Variants in PKP4 observed in about 807,000 individuals in gnomAD.
The protein encoded by PKP4 is plakophilin 4, also known as plakophilin-4.
In PKP4, 90 loss-of-function variants were observed where a neutral mutation model predicts 145.1. The observed-to-expected ratio is 0.62, with a 90% CI of 0.52 to 0.74. The LOEUF (loss-of-function observed/expected upper bound fraction) is 0.74, where lower values mean the gene tolerates loss of function less well. Ranked by LOEUF, PKP4 falls within the 30% of genes least tolerant of loss-of-function variation. The pLI is 0.00. For synonymous variants in PKP4, 563 were observed against 577.2 expected (o/e 0.98, Z 0.35); for missense variants, 1,340 against 1,482.7 (o/e 0.90, Z 1.58).
intron 20 of PKP4, 76 bp downstream of exon 20, chr2:158,676,943 A>G (rs761938909): frequency 1.3e-6 from 2 of 1,560,710 alleles, no homozygotes; most frequent in Non-Finnish European, 1.8e-6. Context: ...TGGCCTGGGA[A>G]GTAGCCTGTG....
rs966486698 is a variant in PKP4 at position 158,597,506 on chromosome 2, T to G, written c.246-5564T>G. Reference sequence around the variant, plus strand: ...AATGTGAAAAGTGCAAAAATAGAGATAAATTATTGGGTACATTCACGATAA... The same window carrying G: ...AATGTGAAAAGTGCAAAAATAGAGAGAAATTATTGGGTACATTCACGATAA... On this transcript the variant is annotated intron_variant, in intron 3 of 21. Transcript: ENST00000389759. 2.0e-5 allele frequency among the ~76,000 whole-genome samples: 3 copies of G among 152,144 alleles called. No homozygotes were observed. The South Asian group carries it at 6.2e-4, about 31-fold the overall frequency.
chr2:158,469,999 T>C (rs1691296733), intron 1 of PKP4, among the ~76,000 whole-genome samples: 1 of 152,178 alleles, frequency 6.6e-6, no homozygotes, highest in South Asian at 2.1e-4. Context: ...CAACTCCAGA[T>C]TTCAACCTTC....
At chr2:158,510,880 C>A (rs986338469) in intron 1 of PKP4, among the ~76,000 whole-genome samples, 1 of 152,236 alleles carries the variant, frequency 6.6e-6, no homozygotes, top group African/African-American at 2.4e-5. Context: ...CAAATTTACA[C>A]CTAGATTTTG....
chr2:158,496,759 C>CGTGTGTGTGTGTGTGTGTGTGTGTGT (rs58108158), intron 1 of PKP4, among the ~76,000 whole-genome samples: 1 of 144,856 alleles, frequency 6.9e-6, no homozygotes, highest in African/African-American at 2.5e-5. Flanking sequence ...CTTCTCTCTC[C>CGTGTGTGTGTGTGTGTGTGTGTGTGT]GTGTGTGTGT....
chr2:158,577,478 C>A (rs2047954887), intron 3 of PKP4, 95 bp downstream of exon 3: 4 of 749,480 alleles, frequency 5.3e-6, no homozygotes, highest in Non-Finnish European at 8.6e-6. Flanking sequence ...AGTGTTGTTA[C>A]TGTTAACTTG....
intron 17 of PKP4, among the ~76,000 whole-genome samples, chr2:158,671,690 G>A (rs921631846): frequency 3.3e-5 from 5 of 152,234 alleles, no homozygotes; most frequent in African/African-American, 1.2e-4. Context: ...CAGACAGGTC[G>A]CATGACAGCC....
intron 1 of PKP4, among the ~76,000 whole-genome samples, chr2:158,502,189 A>G (rs1295363547): frequency 6.6e-6 from 1 of 152,108 alleles, no homozygotes; most frequent in Non-Finnish European, 1.5e-5. Context: ...ATGAAATCCC[A>G]AGATGTTAGT....
chr2:158,534,644 T>A (rs2043875552), intron 2 of PKP4, among the ~76,000 whole-genome samples: 1 of 152,206 alleles, frequency 6.6e-6, no homozygotes, highest in Admixed American at 6.5e-5. Context: ...GTGGTAAATT[T>A]ATCAAAATGT....
At chr2:158,572,613 A>AT (rs2047505172) in intron 2 of PKP4, among the ~76,000 whole-genome samples, 1 of 152,204 alleles carries the variant, frequency 6.6e-6, no homozygotes, top group African/African-American at 2.4e-5. Context: ...AAACTACAAC[A>AT]TTGGCTAAAA....
At chr2:158,478,246 ATTAC>A (rs1692800901) in intron 1 of PKP4, among the ~76,000 whole-genome samples, 1 of 152,012 alleles carries the variant, frequency 6.6e-6, no homozygotes, top group East Asian at 1.9e-4. Context: ...ATTCAGAAAA[ATTAC>A]TTCTGAACCT....
At chr2:158,643,130 G>A (rs1010894432) in intron 11 of PKP4, among the ~76,000 whole-genome samples, 4 of 152,142 alleles carry the variant, frequency 2.6e-5, no homozygotes, top group African/African-American at 9.7e-5. Context: ...AGGCCCCAGG[G>A]ATAGAAAGAT....
chr2:158,621,187 A>G (rs2105892130), intron 5 of PKP4, 44 bp from the exon 6 acceptor site: 1 of 1,612,966 alleles, frequency 6.2e-7, no homozygotes, highest in Non-Finnish European at 8.5e-7. Flanking sequence ...AGCGAGTGTC[A>G]GAAGTGTGTA....
intron 1 of PKP4, among the ~76,000 whole-genome samples, chr2:158,459,789 T>TCACA (rs3047993): frequency 0.023 from 3,437 of 148,766 alleles, 93 homozygotes; most frequent in African/African-American, 0.072. Context: ...GATGTATGGA[T>TCACA]CACACACACA....
chr2:158,549,913 T>C (rs1159565946), intron 2 of PKP4, among the ~76,000 whole-genome samples: 1 of 152,234 alleles, frequency 6.6e-6, no homozygotes, highest in East Asian at 1.9e-4. Flanking sequence ...CTTAAGATTA[T>C]GCCTAATAAA....
chr2:158,632,142 C>T (rs1462326697), intron 8 of PKP4, among the ~76,000 whole-genome samples: 1 of 152,188 alleles, frequency 6.6e-6, no homozygotes, highest in Non-Finnish European at 1.5e-5. Flanking sequence ...TACCTTAGTA[C>T]ATTCTAATCA....
chr2:158,642,805 T>C, intron 11 of PKP4, 106 bp downstream of exon 11: 1 of 743,194 alleles, frequency 1.3e-6, no homozygotes, highest in Middle Eastern at 2.4e-4. Context: ...AGGTAATAGA[T>C]AATGAGATAT....
intron 2 of PKP4, among the ~76,000 whole-genome samples, chr2:158,556,119 G>T (rs965869685): frequency 6.6e-6 from 1 of 152,174 alleles, no homozygotes; most frequent in African/African-American, 2.4e-5. Context: ...TGTGACATTG[G>T]CAAGTTTTGA....
chr2:158,608,862 G>A (rs1371533791), intron 4 of PKP4, among the ~76,000 whole-genome samples: 8 of 118,568 alleles, frequency 6.7e-5, no homozygotes, highest in African/African-American at 2.3e-4. Flanking sequence ...TGCCATAGCC[G>A]AAGTTCGGTG....
chr2:158,648,758 G>A (rs1276053184), intron 11 of PKP4, among the ~76,000 whole-genome samples: 1 of 152,138 alleles, frequency 6.6e-6, no homozygotes, highest in African/African-American at 2.4e-5. Flanking sequence ...CCACACTTTG[G>A]GAGGCCAAGG....
Sources: gnomAD v4.1 joint callset for allele counts (sites outside exome capture counted in the v4.1 genomes callset) on GRCh38, gnomAD v4.1.1 for gene constraint, MANE v1.5 for transcripts, NCBI Gene and HGNC (gene_info 2026-07-23, HGNC 2026-07-21) for gene names.